The following PBX3 variants were observed in gnomAD, a reference collection of about 807,000 sequenced individuals.
PBX3 encodes the protein PBX homeobox 3.
PBX3 carries 14 observed loss-of-function variants against 48.5 expected under a neutral mutation model. The observed-to-expected ratio is 0.29, with a 90% CI of 0.19 to 0.45. PBX3 has a LOEUF of 0.45. PBX3 is among the 20% of genes least tolerant of loss of function. The pLI is 1.00. For synonymous variants in PBX3, 210 were observed against 200.3 expected (o/e 1.05, Z -0.41); for missense variants, 386 against 546.7 (o/e 0.71, Z 2.93).
intron 2 of PBX3, among the ~76,000 whole-genome samples, chr9:125,875,973 C>A (rs1014907386): frequency 6.6e-6 from 1 of 152,186 alleles, no homozygotes; most frequent in African/African-American, 2.4e-5. Flanking sequence ...TCTCACACTC[C>A]CTTATGTCCT....
chr9:125,825,406 C>T (rs1004002962), intron 2 of PBX3, among the ~76,000 whole-genome samples: 2 of 151,416 alleles, frequency 1.3e-5, no homozygotes, highest in Non-Finnish European at 2.9e-5. Flanking sequence ...AACAATAACA[C>T]GTTAGCATAA....
chr9:125,804,963 AAAAG>A (rs905091955), intron 2 of PBX3, among the ~76,000 whole-genome samples: 2 of 151,506 alleles, frequency 1.3e-5, no homozygotes, highest in African/African-American at 4.9e-5. Flanking sequence ...AAAAAAAAAA[AAAAG>A]AAGAAGAAGA....
At chr9:125,904,319 C>T (rs112698664) in intron 2 of PBX3, among the ~76,000 whole-genome samples, 33 of 151,804 alleles carry the variant, frequency 2.2e-4, no homozygotes, top group African/African-American at 7.3e-4. Flanking sequence ...TAGCACAGCT[C>T]TTGTTGAAGA....
At chr9:125,833,948 G>A (rs1456766107) in intron 2 of PBX3, among the ~76,000 whole-genome samples, 1 of 152,136 alleles carries the variant, frequency 6.6e-6, no homozygotes, top group African/African-American at 2.4e-5. Context: ...GTACCATTTT[G>A]TATTTCTACC....
chr9:125,826,038 AAAGGCAATAACGTTAATATT>A (rs1838797878), intron 2 of PBX3, among the ~76,000 whole-genome samples: 1 of 152,220 alleles, frequency 6.6e-6, no homozygotes, highest in South Asian at 2.1e-4. Flanking sequence ...TATCTTTGAG[AAAGGCAATAACGTTAATATT>A]TAACTAGTTC....
intron 2 of PBX3, among the ~76,000 whole-genome samples, chr9:125,761,411 T>C (rs191476175): frequency 2.2e-4 from 33 of 152,254 alleles, no homozygotes; most frequent in African/African-American, 7.9e-4. Context: ...CCATCACTAT[T>C]CCACAATTCA....
Position 125,769,562 on chromosome 9 carries a change from GC to G in PBX3, c.274+20941del, listed in dbSNP as rs1387850102. On this transcript the variant is annotated intron_variant, in intron 2 of 8. Transcript: ENST00000373489. ...TAAAGGCAACAGAATATATCGTGAA[GC>G]CATTAGCGTGATCCTCTTAGCGTAT... is the stretch of plus-strand genomic sequence containing the variant. Among the ~76,000 whole-genome samples the G allele has an allele frequency of 3.3e-5, 5 of 152,310 alleles. No individual in the cohort carries two copies. In the East Asian group the frequency reaches 9.6e-4, roughly 29 times the overall value.
intron 2 of PBX3, among the ~76,000 whole-genome samples, chr9:125,775,869 A>T (rs1837058195): frequency 6.6e-6 from 1 of 152,290 alleles, no homozygotes; most frequent in African/African-American, 2.4e-5. Flanking sequence ...TGAACATTGG[A>T]TGTCTTTACA....
chr9:125,945,529 T>G (rs1309274746), intron 5 of PBX3, among the ~76,000 whole-genome samples: 1 of 152,214 alleles, frequency 6.6e-6, no homozygotes, highest in Non-Finnish European at 1.5e-5. Context: ...CTTTTCCCCA[T>G]GATTGTAACT....
intron 4 of PBX3, 73 bp from the exon 5 acceptor site, chr9:125,935,399 A>T (rs1841813930): frequency 2.2e-6 from 3 of 1,343,306 alleles, no homozygotes; most frequent in Admixed American, 3.8e-5. Flanking sequence ...TTTTGGTATC[A>T]TCCTAATTAA....
At chr9:125,840,198 G>A (rs1299212988) in intron 2 of PBX3, among the ~76,000 whole-genome samples, 1 of 152,012 alleles carries the variant, frequency 6.6e-6, no homozygotes, top group Non-Finnish European at 1.5e-5. Context: ...AGATTTTTCT[G>A]TAGATGGAAA....
At chr9:125,784,153 C>T (rs925212938) in intron 2 of PBX3, among the ~76,000 whole-genome samples, 6 of 152,016 alleles carry the variant, frequency 3.9e-5, no homozygotes, top group East Asian at 1.9e-4. Context: ...TTTTTTGAGA[C>T]GAAGTCTCTC....
At chr9:125,944,248 G>A (rs1221276888) in intron 5 of PBX3, among the ~76,000 whole-genome samples, 1 of 152,178 alleles carries the variant, frequency 6.6e-6, no homozygotes, top group Admixed American at 6.5e-5. Flanking sequence ...CAATTCTTCT[G>A]TCAGCTATGT....
chr9:125,889,963 G>A (rs1840601517), intron 2 of PBX3, among the ~76,000 whole-genome samples: 1 of 151,576 alleles, frequency 6.6e-6, no homozygotes, highest in Non-Finnish European at 1.5e-5. Flanking sequence ...GCTGCGCCCC[G>A]CTGTAGCAGC....
intron 2 of PBX3, among the ~76,000 whole-genome samples, chr9:125,859,975 A>T (rs1184049743): frequency 3.3e-5 from 5 of 152,186 alleles, no homozygotes; most frequent in South Asian, 2.1e-4. Context: ...TCACTCAAAT[A>T]ATTTTCTGTT....
At chr9:125,761,567 A>G (rs1205660913) in intron 2 of PBX3, among the ~76,000 whole-genome samples, 2 of 152,100 alleles carry the variant, frequency 1.3e-5, no homozygotes, top group East Asian at 1.9e-4. Flanking sequence ...TCTCCGTAAC[A>G]TTAGAGAAAA....
At chr9:125,944,353 A>G (rs750188742) in intron 5 of PBX3, among the ~76,000 whole-genome samples, 2 of 152,204 alleles carry the variant, frequency 1.3e-5, no homozygotes, top group African/African-American at 4.8e-5. Flanking sequence ...ACTTACCAGG[A>G]TTTTTGGCTA....
chr9:125,765,153 GTT>G (rs935957484), intron 2 of PBX3, among the ~76,000 whole-genome samples: 2 of 142,852 alleles, frequency 1.4e-5, no homozygotes, highest in African/African-American at 2.6e-5. Context: ...AAAGAAATTG[GTT>G]TTTTTTTTTT....
At chr9:125,778,835 A>G (rs1449213741) in intron 2 of PBX3, among the ~76,000 whole-genome samples, 2 of 136,312 alleles carry the variant, frequency 1.5e-5, no homozygotes, top group Admixed American at 7.5e-5. Context: ...TATTGGATCT[A>G]CCTACAGATT....
Sources: allele counts gnomAD v4.1 joint callset (sites outside exome capture counted in the v4.1 genomes callset), GRCh38; gene constraint gnomAD v4.1.1; transcripts MANE v1.5; gene names NCBI Gene and HGNC (gene_info 2026-07-23, HGNC 2026-07-21).